PRKN: variants seen among roughly 807,000 people sequenced by gnomAD.
PRKN encodes parkin RBR E3 ubiquitin protein ligase.
PRKN carries 56 observed loss-of-function variants against 59.5 expected under a neutral mutation model. The ratio of observed to expected loss-of-function variants is 0.94; its 90% CI spans 0.76 to 1.18. The LOEUF is 1.18. Ranked by LOEUF, PRKN falls within the 50% of genes most tolerant of loss-of-function variation. PRKN has a pLI of 0.00. For missense variants in PRKN, 657 were observed against 596.4 expected, an observed-to-expected ratio of 1.10 and a Z score of -1.06; for synonymous variants, 250 against 222.1, an observed-to-expected ratio of 1.13 and a Z score of -1.12.
chr6:161,949,384 G>A (rs576275657), intron 6 of PRKN, among the ~76,000 whole-genome samples: 27 of 152,070 alleles, frequency 1.8e-4, no homozygotes, highest in Non-Finnish European at 3.7e-4. Flanking sequence ...TGTGGCAGGC[G>A]CCTGTAGTCC....
intron 6 of PRKN, among the ~76,000 whole-genome samples, chr6:161,912,176 T>TAAA (rs59096059): frequency 1.8e-4 from 23 of 125,798 alleles, no homozygotes; most frequent in African/African-American, 6.3e-4. Context: ...GAATCTGTCC[T>TAAA]AAAAAAAAAA....
At position 162,268,107 on chromosome 6, in the gene PRKN, T is replaced by C. The variant is rs1780215701; in HGVS notation, c.172-5342A>G. ...CATATAGAATATACTTAGCCGTATA[T>C]TGCAGACCATTACAGGTTTTGAGAC... On this transcript the variant is annotated intron_variant, in intron 2 of 11. Coordinates refer to ENST00000366898, the MANE Select transcript of PRKN (RefSeq NM_004562.3). Among the ~76,000 whole-genome samples the C allele has an allele frequency of 2.0e-5, 3 of 152,312 alleles. No individual in the cohort carries two copies. In the South Asian group the frequency reaches 6.2e-4, roughly 32 times the overall value.
chr6:162,024,194 CTTTTTTTTTT>C (rs111595639), intron 5 of PRKN, among the ~76,000 whole-genome samples: 2 of 82,080 alleles, frequency 2.4e-5, no homozygotes, highest in Admixed American at 1.9e-4. Context: ...TCCCCCAACC[CTTTTTTTTTT>C]TTTTTTTTTT....
intron 11 of PRKN, among the ~76,000 whole-genome samples, chr6:161,351,243 T>C (rs1784540557): frequency 6.8e-6 from 1 of 148,062 alleles, no homozygotes; most frequent in African/African-American, 2.5e-5. Context: ...TGATTTATTT[T>C]TGCTCTTTCT....
intron 5 of PRKN, among the ~76,000 whole-genome samples, chr6:161,981,868 T>C (rs1333628122): frequency 6.6e-6 from 1 of 152,196 alleles, no homozygotes; most frequent in Non-Finnish European, 1.5e-5. Context: ...CCATGTTCAA[T>C]TACAAGTTTG....
intron 1 of PRKN, among the ~76,000 whole-genome samples, chr6:162,490,036 A>C (rs1269008288): frequency 6.6e-6 from 1 of 152,184 alleles, no homozygotes; most frequent in African/African-American, 2.4e-5. Flanking sequence ...CCCATTGTAG[A>C]GATGGGATGT....
rs537302183 is a variant in PRKN at position 161,758,575 on chromosome 6, T to C, written c.871+27197A>G. ...CACATGGGAGGGGTCAATGGCTATG[T>C]TCCTTACATTGATTGTTTTACTGGC... On this transcript the variant is annotated intron_variant, in intron 7 of 11. Coordinates refer to ENST00000366898, the MANE Select transcript of PRKN (RefSeq NM_004562.3). Among the ~76,000 whole-genome samples the C allele has an allele frequency of 6.3e-4, 96 of 152,308 alleles. 1 individual carries two copies. Among genetic ancestry groups the C allele is most frequent in the African/African-American group, 2.2e-3 (92 of 41,554 alleles).
chr6:162,515,928 G>A (rs1252126203), intron 1 of PRKN, among the ~76,000 whole-genome samples: 3 of 152,206 alleles, frequency 2.0e-5, no homozygotes, highest in African/African-American at 7.2e-5. Context: ...GTCTCTATAA[G>A]AGGAGTCCCA....
Position 161,549,364 on chromosome 6 carries a change from T to C in PRKN, c.934-361A>G, listed in dbSNP as rs1779917711. ...ATACATTTTGAGGAACATATTTATGTATTAAATGATGAACACTTTTAATAC... is the reference window on the plus strand; with the variant it reads ...ATACATTTTGAGGAACATATTTATGCATTAAATGATGAACACTTTTAATAC... On this transcript the variant is annotated intron_variant, in intron 8 of 11. Transcript: ENST00000366898. This position sits in a 1 kb window ranked among gnomAD's most constrained non-coding sequence, Gnocchi z 6.0. Among the ~76,000 whole-genome samples the C allele has an allele frequency of 6.6e-6, 1 of 152,246 alleles. No individual in the cohort carries two copies. The highest frequency in any genetic ancestry group is 1.5e-5 in the Non-Finnish European group (1 of 68,042).
intron 6 of PRKN, among the ~76,000 whole-genome samples, chr6:161,799,384 G>T (rs1790986777): frequency 6.6e-6 from 1 of 152,182 alleles, no homozygotes; most frequent in Non-Finnish European, 1.5e-5. Flanking sequence ...CCAGAGGTCT[G>T]CAGTAGATGA....
At chr6:162,323,876 A>G (rs1256431532) in intron 2 of PRKN, among the ~76,000 whole-genome samples, 1 of 152,162 alleles carries the variant, frequency 6.6e-6, no homozygotes, top group African/African-American at 2.4e-5. Flanking sequence ...TGATCATATG[A>G]CTAAGCTATT....
At chr6:161,495,699 C>T (rs1777723644) in intron 9 of PRKN, among the ~76,000 whole-genome samples, 1 of 152,220 alleles carries the variant, frequency 6.6e-6, no homozygotes, top group South Asian at 2.1e-4. Context: ...GCCATGGGGA[C>T]CATGTCCTGA....
intron 1 of PRKN, among the ~76,000 whole-genome samples, chr6:162,563,469 C>G (rs1779936849): frequency 1.3e-5 from 2 of 152,160 alleles, no homozygotes; most frequent in Non-Finnish European, 1.5e-5. Context: ...GCTTGGGGTT[C>G]CCCCTAAAGT....
At chr6:162,703,985 A>G (rs1778249255) in intron 1 of PRKN, among the ~76,000 whole-genome samples, 1 of 152,224 alleles carries the variant, frequency 6.6e-6, no homozygotes, top group African/African-American at 2.4e-5. Flanking sequence ...CAGCATTTGC[A>G]GGGAGGGGGA....
At chr6:162,546,462 C>A (rs923442049) in intron 1 of PRKN, among the ~76,000 whole-genome samples, 23 of 144,708 alleles carry the variant, frequency 1.6e-4, no homozygotes, top group Non-Finnish European at 3.4e-4. Context: ...GAAACAAACT[C>A]TTTTTTTTTT....
At chr6:161,618,475 CT>C (rs1782774353) in intron 7 of PRKN, among the ~76,000 whole-genome samples, 1 of 152,026 alleles carries the variant, frequency 6.6e-6, no homozygotes, top group African/African-American at 2.4e-5. Context: ...TTTTCCTTTT[CT>C]CTCTCACTTT....
intron 7 of PRKN, among the ~76,000 whole-genome samples, chr6:161,717,238 C>A (rs936279646): frequency 6.6e-6 from 1 of 152,186 alleles, no homozygotes; most frequent in Admixed American, 6.5e-5. Flanking sequence ...CCAGTGCGGG[C>A]CTTCTTGCTG....
rs889947249 is a variant in PRKN, at chr6:161,774,394, A to G, written c.871+11378T>C. On this transcript the variant is annotated intron_variant, in intron 7 of 11. Coordinates refer to ENST00000366898, the MANE Select transcript of PRKN (RefSeq NM_004562.3). ...TTCTACTCCCTGAGCACACACACACACACACACACACACACACACACACAC... is the reference window on the plus strand; with the variant it reads ...TTCTACTCCCTGAGCACACACACACGCACACACACACACACACACACACAC... Among the ~76,000 whole-genome samples, 40 of 103,870 alleles carry G rather than the reference A, an allele frequency of 3.9e-4. 1 individual carries two copies. Among genetic ancestry groups the G allele is most frequent in the South Asian group, 2.0e-3 (6 of 2,966 alleles). 68.1% of individuals were successfully genotyped at this position (103,870 alleles called of 152,430 possible).
intron 6 of PRKN, among the ~76,000 whole-genome samples, chr6:161,872,735 G>C (rs1396468933): frequency 6.6e-6 from 1 of 152,044 alleles, no homozygotes; most frequent in African/African-American, 2.4e-5. Flanking sequence ...CTGGGACTAG[G>C]ACTGTAACGG....
Sources: gnomAD v4.1 joint callset for allele counts (sites outside exome capture counted in the v4.1 genomes callset) on GRCh38, gnomAD v4.1.1 for gene constraint, Gnocchi (gnomAD v3.1) non-coding constraint, MANE v1.5 for transcripts, NCBI Gene and HGNC (gene_info 2026-07-23, HGNC 2026-07-21) for gene names.